Variants in AGBL1 observed in about 807,000 individuals in gnomAD.
AGBL1 encodes cytosolic carboxypeptidase 4.
AGBL1 carries 130 observed loss-of-function variants against 118.9 expected under a neutral mutation model. The observed-to-expected ratio is 1.09, with a 90% CI of 0.95 to 1.26. The LOEUF is 1.26. Ranked by LOEUF, AGBL1 falls within the 50% of genes most tolerant of loss-of-function variation. The probability of loss-of-function intolerance (pLI) is 0.00; values close to 1 mark genes in which losing one functional copy is unlikely to be tolerated. For missense variants in AGBL1, 1,584 were observed against 1,298.1 expected (o/e 1.22, Z -3.38); for synonymous variants, 555 against 478.9 (o/e 1.16, Z -2.08).
chr15:86,240,095 T>C (rs926386046), intron 6 of AGBL1, among the ~76,000 whole-genome samples: 2 of 152,222 alleles, frequency 1.3e-5, no homozygotes, highest in Admixed American at 6.5e-5. Context: ...ATGCCACTTA[T>C]AAGCTCTGCA....
intron 5 of AGBL1, among the ~76,000 whole-genome samples, chr15:86,165,399 T>A (rs1426180044): frequency 6.6e-6 from 1 of 152,162 alleles, no homozygotes; most frequent in East Asian, 1.9e-4. Context: ...TCACTGCCTC[T>A]GCCCAAAGCC....
chr15:86,889,234 T>A (rs1596596012), intron 22 of AGBL1, among the ~76,000 whole-genome samples: 1 of 151,796 alleles, frequency 6.6e-6, no homozygotes, highest in Non-Finnish European at 1.5e-5. Flanking sequence ...GACCTTCTAA[T>A]AGAAAATTAG....
At chr15:86,706,324 C>G (rs2086449202) in intron 22 of AGBL1, among the ~76,000 whole-genome samples, 1 of 151,774 alleles carries the variant, frequency 6.6e-6, no homozygotes, top group Non-Finnish European at 1.5e-5. Context: ...GAAATAAGTT[C>G]AAGTGGTAAA....
chr15:86,258,951 C>T (rs1474442001), intron 9 of AGBL1, among the ~76,000 whole-genome samples: 3 of 152,180 alleles, frequency 2.0e-5, no homozygotes, highest in Non-Finnish European at 2.9e-5. Flanking sequence ...GTGGTCTGCC[C>T]GCCTCAGCCT....
intron 18 of AGBL1, among the ~76,000 whole-genome samples, chr15:86,499,230 A>G (rs1445763780): frequency 2.0e-5 from 3 of 151,974 alleles, no homozygotes; most frequent in South Asian, 2.1e-4. Context: ...ACCAACAGTT[A>G]TCAGCAAAGG....
At chr15:86,097,810 T>C (rs12232306) in intron 1 of AGBL1, among the ~76,000 whole-genome samples, 82,359 of 151,946 alleles carry the variant, frequency 0.54, 23,670 homozygotes, top group Non-Finnish European at 0.66. Flanking sequence ...GATATATAGA[T>C]TTTCTTTACT....
chr15:86,960,593 C>G (rs561835983), intron 23 of AGBL1, among the ~76,000 whole-genome samples: 4 of 152,020 alleles, frequency 2.6e-5, no homozygotes, highest in Non-Finnish European at 5.9e-5. Flanking sequence ...ACTACAAAAT[C>G]ATCCAGAAAT....
chr15:87,027,881 G>C (rs1391541651), intron 24 of AGBL1, among the ~76,000 whole-genome samples: 1 of 151,842 alleles, frequency 6.6e-6, no homozygotes, highest in Non-Finnish European at 1.5e-5. Context: ...GGGGCCTCTC[G>C]AGGGGTGTAG....
chr15:86,648,186 CTGTT>C (rs1161899335), intron 21 of AGBL1, among the ~76,000 whole-genome samples: 2 of 152,026 alleles, frequency 1.3e-5, no homozygotes, highest in Non-Finnish European at 2.9e-5. Flanking sequence ...TTTGCGAAAA[CTGTT>C]TGGGATGTTG....
At chr15:86,929,507 A>G (rs890459371) in intron 23 of AGBL1, among the ~76,000 whole-genome samples, 10 of 152,298 alleles carry the variant, frequency 6.6e-5, no homozygotes, top group Non-Finnish European at 1.5e-4. Flanking sequence ...CTTTGCCTAC[A>G]TGGCCAGGTA....
chr15:86,538,825 G>T (rs1307126420), intron 19 of AGBL1, among the ~76,000 whole-genome samples: 6 of 152,194 alleles, frequency 3.9e-5, no homozygotes, highest in Non-Finnish European at 1.5e-5. Context: ...GGGAAAAGGG[G>T]AACGGCTAAG....
At chr15:86,707,542 G>A (rs897956542) in intron 22 of AGBL1, among the ~76,000 whole-genome samples, 1 of 152,088 alleles carries the variant, frequency 6.6e-6, no homozygotes, top group Non-Finnish European at 1.5e-5. Context: ...TTGTAGAAAT[G>A]TAATTGACTA....
intron 21 of AGBL1, among the ~76,000 whole-genome samples, chr15:86,591,509 T>C (rs989653278): frequency 5.9e-5 from 9 of 152,184 alleles, no homozygotes; most frequent in African/African-American, 2.2e-4. Context: ...TAAATTCAGT[T>C]AACTTGCTAA....
At chr15:86,229,454 A>G (rs544770556) in intron 6 of AGBL1, among the ~76,000 whole-genome samples, 2 of 152,290 alleles carry the variant, frequency 1.3e-5, no homozygotes, top group East Asian at 3.9e-4. Flanking sequence ...CATGAGGGTA[A>G]CTGCCCCCGT....
intron 5 of AGBL1, among the ~76,000 whole-genome samples, chr15:86,204,055 G>A (rs1268461472): frequency 6.6e-6 from 1 of 152,168 alleles, no homozygotes; most frequent in Non-Finnish European, 1.5e-5. Context: ...TGATGGATGA[G>A]GAGTCTGGGA....
intron 21 of AGBL1, among the ~76,000 whole-genome samples, chr15:86,568,950 A>G (rs532562477): frequency 6.6e-6 from 1 of 152,260 alleles, no homozygotes; most frequent in South Asian, 2.1e-4. Flanking sequence ...TTGAAAATAA[A>G]TAATTCCTAG....
At chr15:86,886,924 A>G (rs927478258) in intron 22 of AGBL1, among the ~76,000 whole-genome samples, 1 of 152,184 alleles carries the variant, frequency 6.6e-6, no homozygotes, top group Non-Finnish European at 1.5e-5. Flanking sequence ...TTCTCTCGCC[A>G]AGTGTGTAAT....
chr15:86,333,903 T>A (rs1430006389), intron 17 of AGBL1, among the ~76,000 whole-genome samples: 1 of 152,158 alleles, frequency 6.6e-6, no homozygotes, highest in East Asian at 1.9e-4. Flanking sequence ...TAAATGTGAT[T>A]CACTGCATAA....
At chr15:86,356,309 T>C (rs1251454758) in intron 17 of AGBL1, among the ~76,000 whole-genome samples, 1 of 151,856 alleles carries the variant, frequency 6.6e-6, no homozygotes, top group Non-Finnish European at 1.5e-5. Flanking sequence ...GAAAAAGCTA[T>C]TTGGATTTAT....
Sources: gnomAD v4.1 joint callset for allele counts (sites outside exome capture counted in the v4.1 genomes callset) on GRCh38, gnomAD v4.1.1 for gene constraint, MANE v1.5 for transcripts, NCBI Gene and HGNC (gene_info 2026-07-23, HGNC 2026-07-21) for gene names.